Variants in PLCZ1 observed in about 807,000 individuals in gnomAD.
The protein encoded by PLCZ1 is 1-phosphatidylinositol 4,5-bisphosphate phosphodiesterase zeta-1.
Under a neutral mutation model 76.8 loss-of-function variants are expected in PLCZ1, and 64 were observed. The ratio of observed to expected loss-of-function variants is 0.83; its 90% confidence interval spans 0.68 to 1.03. PLCZ1 has a LOEUF of 1.03. Ranked by LOEUF, PLCZ1 falls within the 50% of genes least tolerant of loss-of-function variation. PLCZ1 has a pLI of 0.00. For missense variants in PLCZ1, 751 were observed against 713.7 expected, an observed-to-expected ratio of 1.05 and a Z score of -0.60; for synonymous variants, 248 against 230.8, an observed-to-expected ratio of 1.07 and a Z score of -0.68.
At chr12:18,721,372 G>C (rs1958426003) in intron 4 of PLCZ1, among the ~76,000 whole-genome samples, 1 of 152,006 alleles carries the variant, frequency 6.6e-6, no homozygotes. Flanking sequence ...ACACCAAAGT[G>C]ATCAATAATC....
At chr12:18,730,074 C>T (rs550994293) in intron 3 of PLCZ1, among the ~76,000 whole-genome samples, 3 of 151,980 alleles carry the variant, frequency 2.0e-5, no homozygotes, top group Non-Finnish European at 4.4e-5. Flanking sequence ...TATGTTAGTC[C>T]CATTCTACGG....
intron 3 of PLCZ1, 107 bp downstream of exon 3, chr12:18,736,114 T>A (rs1000423921): frequency 7.8e-7 from 1 of 1,286,788 alleles, no homozygotes; most frequent in African/African-American, 1.5e-5. Flanking sequence ...ATAGTTAGTA[T>A]AATTAATTGC....
intron 6 of PLCZ1, among the ~76,000 whole-genome samples, chr12:18,709,160 A>G (rs1241373807): frequency 2.0e-5 from 3 of 152,052 alleles, no homozygotes; most frequent in Non-Finnish European, 2.9e-5. Context: ...ATTATATGTA[A>G]GTTTTTTATC....
At chr12:18,672,155 T>A in the PLCZ1 span, among the ~76,000 whole-genome samples, 87,152 of 152,006 alleles carry the variant, frequency 0.57, 25,258 homozygotes, top group South Asian at 0.67. Context: ...GTGGATCATG[T>A]TTTATGGCTT....
At chr12:18,733,599 G>T (rs1254120137) in intron 3 of PLCZ1, among the ~76,000 whole-genome samples, 1 of 152,060 alleles carries the variant, frequency 6.6e-6, no homozygotes, top group Non-Finnish European at 1.5e-5. Flanking sequence ...ATAGTTTCAG[G>T]TCTCAAGTTT....
chr12:18,674,075 A>G, the PLCZ1 span, among the ~76,000 whole-genome samples: 2 of 152,226 alleles, frequency 1.3e-5, no homozygotes, highest in Non-Finnish European at 2.9e-5. Context: ...TAGATATCTT[A>G]CAGTCTGTCT....
chr12:18,700,512 CAAAAAAAAA>C (rs11324526), intron 9 of PLCZ1, among the ~76,000 whole-genome samples: 3 of 67,896 alleles, frequency 4.4e-5, no homozygotes, highest in Non-Finnish European at 5.0e-5. Flanking sequence ...AGCCAACGTA[CAAAAAAAAA>C]AAAAAAAAAA....
chr12:18,708,362 C>A (rs1956882422), intron 6 of PLCZ1, among the ~76,000 whole-genome samples: 1 of 152,180 alleles, frequency 6.6e-6, no homozygotes, highest in South Asian at 2.1e-4. Context: ...TTTGTAAAGA[C>A]TGAATCATAT....
intron 12 of PLCZ1, chr12:18,692,871 A>G: frequency 6.2e-7 from 1 of 1,602,342 alleles, no homozygotes; most frequent in Non-Finnish European, 8.5e-7. Context: ...TGTACCAACT[A>G]CAGTGGGGAA....
the PLCZ1 span, among the ~76,000 whole-genome samples, chr12:18,657,774 A>C: frequency 1.3e-5 from 2 of 152,188 alleles, no homozygotes; most frequent in African/African-American, 4.8e-5. Context: ...TCTTCAACAA[A>C]AAATTGTGAA....
intron 10 of PLCZ1, among the ~76,000 whole-genome samples, 179 bp downstream of exon 10, chr12:18,699,615 A>C (rs1955614613): frequency 6.6e-6 from 1 of 152,182 alleles, no homozygotes; most frequent in Non-Finnish European, 1.5e-5. Context: ...TTAATGGCTA[A>C]GTTCCATGAA....
chr12:18,737,255 G>T, intron 2 of PLCZ1, 106 bp downstream of exon 2: 1 of 1,227,138 alleles, frequency 8.1e-7, no homozygotes, highest in Non-Finnish European at 1.2e-6. Context: ...CAACTTAAAT[G>T]AAGAGGACTT....
intron 6 of PLCZ1, among the ~76,000 whole-genome samples, chr12:18,712,347 G>C (rs536274184): frequency 6.6e-6 from 1 of 152,034 alleles, no homozygotes; most frequent in South Asian, 2.1e-4. Context: ...TAACTATATC[G>C]TTGAATCTGT....
intron 6 of PLCZ1, among the ~76,000 whole-genome samples, chr12:18,709,203 G>A (rs1041912732): frequency 6.6e-6 from 1 of 151,990 alleles, no homozygotes; most frequent in Non-Finnish European, 1.5e-5. Context: ...TATGGTATAA[G>A]ATAAGGGTCT....
chr12:18,679,395 G>T (rs1216673699), downstream of PLCZ1, among the ~76,000 whole-genome samples: 2 of 151,926 alleles, frequency 1.3e-5, no homozygotes, highest in East Asian at 3.9e-4. Context: ...TATTCTATCT[G>T]CTTTCTTCTA....
rs1466561238 is a variant in PLCZ1 at position 18,684,286 on chromosome 12, T to C, written c.1592-7A>G. 4 of 1,596,518 alleles carry C rather than the reference T, an allele frequency of 2.5e-6. No homozygotes were observed. Among genetic ancestry groups the C allele is most frequent in the Non-Finnish European group, 2.6e-6 (3 of 1,166,924 alleles). On this transcript the variant is annotated splice_region_variant and splice_polypyrimidine_tract_variant and intron_variant, in intron 13 of 14. Transcript: ENST00000266505. Reference sequence around the variant, plus strand: ...TTCCATCTTGGACTAAAAGCTGAAATATAAAAAAAGAAGATACAAAGAATA... The same window carrying C: ...TTCCATCTTGGACTAAAAGCTGAAACATAAAAAAAGAAGATACAAAGAATA...
the PLCZ1 span, among the ~76,000 whole-genome samples, chr12:18,669,963 C>T: frequency 2.0e-5 from 3 of 152,084 alleles, no homozygotes; most frequent in Non-Finnish European, 4.4e-5. Context: ...CCACCGCGCC[C>T]GGCCCTCTTC....
chr12:18,689,366 A>T (rs1953710088), intron 12 of PLCZ1, among the ~76,000 whole-genome samples: 1 of 152,200 alleles, frequency 6.6e-6, no homozygotes. Context: ...CCTGCGGGCC[A>T]CATGTGGCCC....
At chr12:18,710,976 C>T (rs1176053532) in intron 6 of PLCZ1, among the ~76,000 whole-genome samples, 2 of 151,990 alleles carry the variant, frequency 1.3e-5, no homozygotes, top group Admixed American at 6.6e-5. Flanking sequence ...GTCAGTGTGG[C>T]GATTCCTCAG....
Sources: gnomAD v4.1 joint callset for allele counts (sites outside exome capture counted in the v4.1 genomes callset) on GRCh38, gnomAD v4.1.1 for gene constraint, MANE v1.5 for transcripts, NCBI Gene and HGNC (gene_info 2026-07-23, HGNC 2026-07-21) for gene names.